The following PKHD1 variants were observed in gnomAD, a reference collection of about 807,000 sequenced individuals.
The protein encoded by PKHD1 is PKHD1 ciliary IPT domain containing fibrocystin/polyductin.
PKHD1 carries 291 observed loss-of-function variants against 412.0 expected under a neutral mutation model. That is an observed-to-expected ratio of 0.71 (90% confidence interval 0.64 to 0.78). The LOEUF is 0.78. Ranked by LOEUF, PKHD1 falls within the 30% of genes least tolerant of loss-of-function variation. The pLI, the probability that PKHD1 is intolerant of heterozygous loss-of-function variation, is 0.00. For synonymous variants in PKHD1, 1,777 were observed against 1,821.5 expected, an observed-to-expected ratio of 0.98 and a Z score of 0.62; for missense variants, 4,825 against 4,950.7, an observed-to-expected ratio of 0.97 and a Z score of 0.76.
chr6:52,058,370 C>T lies in PKHD1; in HGVS notation c.1465G>A (p.Glu489Lys). ...GCTCGGACTCGGATCTGGTGCTTCT[C>T]CCGTAGGTAAGTGGTGACCACATCA... ...NPDVVTTYLR[E>K]KHQIRVRAQR... is the part of the protein sequence containing the mutation. The change falls in exon 16 of 67, where the codon GAG (glutamate) becomes AAG (lysine). Residue 489 changes from glutamate to lysine, a missense_variant. Transcript: ENST00000371117. The T allele has an allele frequency of 6.2e-7, 1 of 1,614,142 alleles. No homozygotes were observed. The highest frequency in any genetic ancestry group is 8.5e-7 in the Non-Finnish European group (1 of 1,180,014).
chr6:52,058,065 C>G (rs1808058387), intron 16 of PKHD1, among the ~76,000 whole-genome samples: 1 of 152,180 alleles, frequency 6.6e-6, no homozygotes, highest in South Asian at 2.1e-4. Context: ...TGTCTCTTTT[C>G]TGGGAAATAA....
At chr6:51,916,362 A>G (rs1230140040) in intron 37 of PKHD1, among the ~76,000 whole-genome samples, 1 of 152,174 alleles carries the variant, frequency 6.6e-6, no homozygotes, top group African/African-American at 2.4e-5. Context: ...AACTAGTTTC[A>G]TTGTCAAGTA....
chr6:51,954,490 A>G (rs1389651280), intron 36 of PKHD1, among the ~76,000 whole-genome samples: 1 of 152,072 alleles, frequency 6.6e-6, no homozygotes, highest in Non-Finnish European at 1.5e-5. Flanking sequence ...AGAAAATCAC[A>G]TTAAAGGAAA....
At chr6:52,027,987 G>A in intron 30 of PKHD1, 91 bp from the exon 31 acceptor site, 3 of 1,193,824 alleles carry the variant, frequency 2.5e-6, no homozygotes, top group Non-Finnish European at 3.8e-6. Flanking sequence ...TTGAGGAGAA[G>A]AGCAAACTGT....
In PKHD1 at chr6:52,062,673, T is replaced by C. The variant is rs2128219172; in HGVS notation, c.977-13A>G. On this transcript the variant is annotated splice_polypyrimidine_tract_variant and intron_variant, in intron 13 of 66. Transcript: ENST00000371117. ...AGCCCTCGATTGCCTGTAAGACATG[T>C]AGATCGCATAAACATTACAGGGCGC... is the stretch of plus-strand genomic sequence containing the variant. The C allele has an allele frequency of 1.2e-6, 2 of 1,614,038 alleles. No individual in the cohort carries two copies. Among genetic ancestry groups the C allele is most frequent in the Non-Finnish European group, 1.7e-6 (2 of 1,179,922 alleles).
At chr6:51,798,528 C>T (rs1406316543) in intron 52 of PKHD1, among the ~76,000 whole-genome samples, 1 of 152,120 alleles carries the variant, frequency 6.6e-6, no homozygotes, top group Admixed American at 6.6e-5. Flanking sequence ...TGTAGGTCAC[C>T]TAGCCTTTCT....
chr6:51,754,308 A>G (rs977953139), intron 56 of PKHD1, among the ~76,000 whole-genome samples: 1 of 152,210 alleles, frequency 6.6e-6, no homozygotes, highest in Non-Finnish European at 1.5e-5. Flanking sequence ...TAGTAATAGT[A>G]GTAGTTAATA....
intron 1 of PKHD1, among the ~76,000 whole-genome samples, 196 bp downstream of exon 1, chr6:52,087,238 C>T (rs1812925727): frequency 1.3e-5 from 2 of 152,150 alleles, no homozygotes; most frequent in Non-Finnish European, 1.5e-5. Context: ...TCCTCTCTCT[C>T]TCTCCTCTCT....
chr6:51,982,876 AAAAT>A lies in PKHD1; in HGVS notation c.5752-22854_5752-22851del, dbSNP rs1217962122. ...AAATAAAAATAAAATAAAATAAAAT[AAAAT>A]AAAATAAAATAAAAAAAAGAGAGGC... On this transcript the variant is annotated intron_variant, in intron 35 of 66. Coordinates refer to ENST00000371117, the MANE Select transcript of PKHD1 (RefSeq NM_138694.4). Among the ~76,000 whole-genome samples the A allele has an allele frequency of 1.2e-3, 126 of 108,510 alleles. No individual in the cohort carries two copies. In the South Asian group the frequency reaches 0.018, roughly 15 times the overall value. 71.2% of individuals were successfully genotyped at this position (108,510 alleles called of 152,430 possible). A position where few individuals can be genotyped will look rare whatever the true frequency, so the allele number is the denominator to read the frequency against.
chr6:51,646,626 A>G (rs1770118437), intron 63 of PKHD1, among the ~76,000 whole-genome samples: 1 of 152,128 alleles, frequency 6.6e-6, no homozygotes. Flanking sequence ...TCATCATAAA[A>G]ACTCTTGCTT....
intron 52 of PKHD1, among the ~76,000 whole-genome samples, chr6:51,829,457 A>C (rs1418782898): frequency 6.6e-6 from 1 of 152,158 alleles, no homozygotes. Flanking sequence ...GCTTAGTGGG[A>C]AAAACCATAG....
At chr6:51,713,932 T>G (rs1780940079) in intron 60 of PKHD1, among the ~76,000 whole-genome samples, 1 of 152,188 alleles carries the variant, frequency 6.6e-6, no homozygotes, top group Non-Finnish European at 1.5e-5. Flanking sequence ...TAGACTCTTC[T>G]TCTTCAGGAA....
chr6:51,887,084 T>C (rs1470314519), intron 44 of PKHD1, 49 bp downstream of exon 44: 3 of 1,137,936 alleles, frequency 2.6e-6, no homozygotes, highest in African/African-American at 3.0e-5. Context: ...TACAGTAAAA[T>C]GTGAAATCAT....
At chr6:51,974,478 T>G (rs978370615) in intron 35 of PKHD1, among the ~76,000 whole-genome samples, 16 of 152,202 alleles carry the variant, frequency 1.1e-4, no homozygotes, top group African/African-American at 3.9e-4. Context: ...TCCTGTTCCC[T>G]AAGCAACCAG....
chr6:51,965,302 T>C (rs1358265109), intron 35 of PKHD1, among the ~76,000 whole-genome samples: 1 of 152,112 alleles, frequency 6.6e-6, no homozygotes, highest in Admixed American at 6.6e-5. Context: ...CTGACCACAG[T>C]GGAGATGGCC....
chr6:51,907,735 G>A (rs1386775901), intron 40 of PKHD1, among the ~76,000 whole-genome samples: 1 of 152,152 alleles, frequency 6.6e-6, no homozygotes, highest in African/African-American at 2.4e-5. Context: ...CGTAGGACAT[G>A]AGGGGCTTCA....
chr6:51,758,047 AGAGAG>A (rs1787349384), intron 55 of PKHD1, among the ~76,000 whole-genome samples: 4 of 150,972 alleles, frequency 2.6e-5, no homozygotes, highest in African/African-American at 7.3e-5. Flanking sequence ...AGAGAGAGAG[AGAGAG>A]AAAACAAAGC....
intron 66 of PKHD1, among the ~76,000 whole-genome samples, chr6:51,624,167 C>T (rs1021345594): frequency 1.3e-5 from 2 of 152,006 alleles, no homozygotes; most frequent in African/African-American, 2.4e-5. Flanking sequence ...TGCAATCCTC[C>T]ACCTCGGCCT....
At chr6:51,785,467 G>A (rs1224151797) in intron 53 of PKHD1, among the ~76,000 whole-genome samples, 2 of 152,174 alleles carry the variant, frequency 1.3e-5, no homozygotes, top group African/African-American at 4.8e-5. Context: ...TCCTGAAGCA[G>A]TAAGTGTTGC....
Sources: allele counts gnomAD v4.1 joint callset (sites outside exome capture counted in the v4.1 genomes callset), GRCh38; gene constraint gnomAD v4.1.1; transcripts MANE v1.5; gene names NCBI Gene and HGNC (gene_info 2026-07-23, HGNC 2026-07-21).